Variants in ATP13A1 observed in about 807,000 individuals in gnomAD.
ATP13A1 encodes the protein endoplasmic reticulum transmembrane helix translocase.
ATP13A1 carries 55 observed loss-of-function variants against 134.8 expected under a neutral mutation model. The observed-to-expected ratio is 0.41, with a 90% CI of 0.33 to 0.51. The LOEUF (loss-of-function observed/expected upper bound fraction) is 0.51. ATP13A1 is among the 20% of genes least tolerant of loss of function. ATP13A1 has a pLI of 0.29. For synonymous variants in ATP13A1, 775 were observed against 725.1 expected, an observed-to-expected ratio of 1.07 and a Z score of -1.10; for missense variants, 1,389 against 1,652.8, an observed-to-expected ratio of 0.84 and a Z score of 2.77.
At chr19:19,662,055 T>C (rs2062098335) in intron 1 of ATP13A1, 1 of 1,570,688 alleles carries the variant, frequency 6.4e-7, no homozygotes, top group South Asian at 1.2e-5. Context: ...TTCTGAGATC[T>C]GAATCAAACC....
intron 15 of ATP13A1, 186 bp from the exon 16 acceptor site, chr19:19,652,906 A>G: frequency 2.5e-6 from 2 of 804,384 alleles, no homozygotes; most frequent in Non-Finnish European, 3.8e-6. Context: ...GAGGGGTGGG[A>G]TCTGGCAGTG....
chr19:19,661,049 A>T (rs921525375), intron 1 of ATP13A1, among the ~76,000 whole-genome samples: 15 of 152,142 alleles, frequency 9.9e-5, no homozygotes, highest in African/African-American at 3.6e-4. Context: ...ACTGCACTCC[A>T]GCCTGGGCAA....
At chr19:19,661,928 G>T in intron 1 of ATP13A1, 1 of 1,042,778 alleles carries the variant, frequency 9.6e-7, no homozygotes, top group Non-Finnish European at 1.4e-6. Flanking sequence ...GATGGCCCCA[G>T]GGCGGGCACT....
At chr19:19,662,924 A>T (rs1000946122) in intron 1 of ATP13A1, among the ~76,000 whole-genome samples, 1 of 152,202 alleles carries the variant, frequency 6.6e-6, no homozygotes, top group African/African-American at 2.4e-5. Context: ...CGTTTCCAGA[A>T]CAAGAGTAGT....
rs1193069815 is a variant in ATP13A1, at chr19:19,653,375, G to A, written c.2100+409C>T. ...CTGAGGCTAAATTCTGGAAGGATCC[G>A]CAGCTGTAGGGTGCAAGCAGAAAGA... On this transcript the variant is annotated intron_variant, in intron 15 of 25. Transcript: ENST00000357324. The surrounding 1 kb of genome is among the most constrained non-coding windows in gnomAD (Gnocchi z 4.2). The A allele has an allele frequency of 3.8e-5, 9 of 238,266 alleles. No homozygotes were observed. Among genetic ancestry groups the A allele is most frequent in the East Asian group, 1.2e-4 (1 of 8,624 alleles). The allele number at this position is 238,266 out of a possible 1,614,324, so 14.8% of individuals were successfully genotyped here. A position where few individuals can be genotyped will look rare whatever the true frequency, so the allele number is the denominator to read the frequency against.
chr19:19,656,373 C>T lies in ATP13A1; in HGVS notation c.1084-190G>A, dbSNP rs1371591040. On this transcript the variant is annotated intron_variant, in intron 7 of 25. Coordinates refer to ENST00000357324, the MANE Select transcript of ATP13A1 (RefSeq NM_020410.3). This position sits in a 1 kb window ranked among gnomAD's most constrained non-coding sequence, Gnocchi z 4.6. ...CTTCTCCCCATTGCACTCACAGTGCCTGCTCTCTGGGGCCTGCACTTGGCC... is the reference window on the plus strand; with the variant it reads ...CTTCTCCCCATTGCACTCACAGTGCTTGCTCTCTGGGGCCTGCACTTGGCC... 6.6e-6 allele frequency among the ~76,000 whole-genome samples: 1 copy of T among 152,156 alleles called. No individual in the cohort carries two copies. Among genetic ancestry groups the T allele is most frequent in the Non-Finnish European group, 1.5e-5 (1 of 68,014 alleles).
rs1407246267 is a variant in ATP13A1, at chr19:19,659,681, G to A, written c.597C>T (p.Ala199=). 3 of 1,613,808 alleles carry A rather than the reference G, an allele frequency of 1.9e-6. No individual in the cohort carries two copies. Among genetic ancestry groups the A allele is most frequent in the East Asian group, 2.2e-5 (1 of 44,872 alleles). ...FLPVAFPVGN[A]FSYYQSNRGF... ...CTCTGTTGCTCTGATAGTATGAGAA[G>A]GCGTTTCCCACAGGAAAGGCCACGG... The change falls in exon 3 of 26, where the codon GCC becomes GCT. Residue 199 remains alanine (A), a synonymous_variant. Coordinates refer to ENST00000357324, the MANE Select transcript of ATP13A1 (RefSeq NM_020410.3).
chr19:19,647,762 G>T lies in ATP13A1; in HGVS notation c.2633-3C>A, dbSNP rs369907366. Reference sequence around the variant, plus strand: ...GGCATTGGCCAAGAGCGCCACACCTGGGGGGCAGGAGGGTGTCAGACCCGG... The same window carrying T: ...GGCATTGGCCAAGAGCGCCACACCTTGGGGGCAGGAGGGTGTCAGACCCGG... On this transcript the variant is annotated splice_region_variant and splice_polypyrimidine_tract_variant and intron_variant, in intron 19 of 25. Coordinates refer to ENST00000357324, the MANE Select transcript of ATP13A1 (RefSeq NM_020410.3). This position sits in a 1 kb window ranked among gnomAD's most constrained non-coding sequence, Gnocchi z 4.8. 4.4e-4 allele frequency: 698 copies of T among 1,590,548 alleles called. No individual in the cohort carries two copies. The highest frequency in any genetic ancestry group is 6.2e-4 in the Admixed American group (36 of 57,728).
In ATP13A1 at chr19:19,653,212, G is replaced by C. The variant is rs2062035931; in HGVS notation, c.2101-492C>G. The C allele has an allele frequency of 5.5e-6, 1 of 183,332 alleles. No individual in the cohort carries two copies. Among genetic ancestry groups the C allele is most frequent in the Non-Finnish European group, 1.2e-5 (1 of 86,194 alleles). The allele number at this position is 183,332 out of a possible 1,614,324, so 11.4% of individuals were successfully genotyped here. ...AGGAGGTGAGAATGGAATCCAGAGA[G>C]GGTGGAAAGGCCTCAGAAGTGGCCA... On this transcript the variant is annotated intron_variant, in intron 15 of 25. Coordinates refer to ENST00000357324, the MANE Select transcript of ATP13A1 (RefSeq NM_020410.3). The surrounding 1 kb of genome is among the most constrained non-coding windows in gnomAD (Gnocchi z 4.2).
chr19:19,652,481 G>A, intron 16 of ATP13A1, 114 bp downstream of exon 16: 1 of 1,414,676 alleles, frequency 7.1e-7, no homozygotes, highest in Non-Finnish European at 9.4e-7. Context: ...ATCTTGCTCA[G>A]CTAAAACATG....
rs765516216 is a variant in ATP13A1, at chr19:19,655,099, G to T, written c.1655+20C>A. The T allele has an allele frequency of 4.3e-6, 7 of 1,613,024 alleles. No individual in the cohort carries two copies. Among genetic ancestry groups the T allele is most frequent in the Non-Finnish European group, 5.9e-6 (7 of 1,179,662 alleles). ...AAACCCCATCTGGGTGACCTTTGCT[G>T]CAGGGCCCCTGATGCTTACCTCAGC... On this transcript the variant is annotated intron_variant, in intron 12 of 25. Transcript: ENST00000357324. The surrounding 1 kb of genome is among the most constrained non-coding windows in gnomAD (Gnocchi z 5.7).
intron 16 of ATP13A1, 134 bp from the exon 17 acceptor site, chr19:19,651,931 G>C: frequency 1.5e-6 from 1 of 658,328 alleles, no homozygotes; most frequent in East Asian, 2.9e-5. Flanking sequence ...ATGCTGAATG[G>C]GCTTCCAAGG....
At position 19,656,463 on chromosome 19, in the gene ATP13A1, A is replaced by C. The variant is rs552661786; in HGVS notation, c.1083+197T>G. ...CTTGGTCTGACATCCCAGGGCACCA[A>C]TGTACCCTGGATGCCCTTGGCTCTC... On this transcript the variant is annotated intron_variant, in intron 7 of 25. Coordinates refer to ENST00000357324, the MANE Select transcript of ATP13A1 (RefSeq NM_020410.3). The surrounding 1 kb of genome is among the most constrained non-coding windows in gnomAD (Gnocchi z 4.6). 6.6e-6 allele frequency among the ~76,000 whole-genome samples: 1 copy of C among 151,974 alleles called. No individual in the cohort carries two copies. The highest frequency in any genetic ancestry group is 2.4e-5 in the African/African-American group (1 of 41,362).
Position 19,654,527 on chromosome 19 carries a change from G to A in ATP13A1, c.1813+16C>T. The stretch of plus-strand genomic sequence containing the variant: ...AGTGGCTCCCCCTTGCTGGGCCTGA[G>A]GCCCCAGCCCCTCACCTTTGGTCAG... On this transcript the variant is annotated intron_variant, in intron 13 of 25. Coordinates refer to ENST00000357324, the MANE Select transcript of ATP13A1 (RefSeq NM_020410.3). 6.3e-7 allele frequency: 1 copy of A among 1,589,444 alleles called. No individual in the cohort carries two copies. The highest frequency in any genetic ancestry group is 8.6e-7 in the Non-Finnish European group (1 of 1,168,992).
At position 19,652,939 on chromosome 19, in the gene ATP13A1, A is replaced by G. The variant is rs143319384; in HGVS notation, c.2101-219T>C. 2,017 of 603,808 alleles carry G rather than the reference A, an allele frequency of 3.3e-3. 12 individuals carry two copies. Among genetic ancestry groups the G allele is most frequent in the Non-Finnish European group, 4.6e-3 (1,631 of 354,194 alleles). The allele number at this position is 603,808 out of a possible 1,614,324, so 37.4% of individuals were successfully genotyped here. ...GTGACTGGGGGGTCTGGGTCCCCCG[A>G]ATGTGGCTCTATGTCCTGCTTGCGG... On this transcript the variant is annotated intron_variant, in intron 15 of 25. Coordinates refer to ENST00000357324, the MANE Select transcript of ATP13A1 (RefSeq NM_020410.3).
At chr19:19,662,457 T>G in intron 1 of ATP13A1, 1 of 786,840 alleles carries the variant, frequency 1.3e-6, no homozygotes, top group East Asian at 1.3e-4. Context: ...GGAAGCTTCC[T>G]GATATACCTC....
intron 17 of ATP13A1, chr19:19,651,129 A>G (rs2062021362): frequency 6.6e-6 from 1 of 152,126 alleles, no homozygotes; most frequent in Non-Finnish European, 1.5e-5. Context: ...GGGCCCCGAG[A>G]GCTGACCCAG....
rs1447618562 is a variant in ATP13A1, at chr19:19,659,625, G to A, written c.653C>T (p.Ala218Val). 1 of 1,612,478 alleles carries A rather than the reference G, an allele frequency of 6.2e-7. No homozygotes were observed. ...CTTGTTGCTCCCAAATTTCTTCTCA[G>A]CTGCTCGGATCTCTGAGTCTTCCTG... ...GFQEDSEIRA[A>V]EKKFGSNKAE... is the part of the protein sequence containing the mutation. The change falls in exon 3 of 26, where the codon GCT becomes GTT. Residue 218 changes from alanine (A) to valine (V), a missense_variant. By Grantham distance (64) the Ala-to-Val change is moderately conservative. Around this residue, in one of 4 missense-constraint regions of ATP13A1, gnomAD observed 747 missense variants for 956.1 expected, o/e 0.78. Coordinates refer to ENST00000357324, the MANE Select transcript of ATP13A1 (RefSeq NM_020410.3).
At chr19:19,661,744 G>A (rs1027704110) in intron 1 of ATP13A1, among the ~76,000 whole-genome samples, 6 of 152,148 alleles carry the variant, frequency 3.9e-5, no homozygotes, top group African/African-American at 1.2e-4. Flanking sequence ...CTGCTAGACC[G>A]AGCTGCATGG....
Sources: allele counts gnomAD v4.1 joint callset (sites outside exome capture counted in the v4.1 genomes callset), GRCh38; gene constraint gnomAD v4.1.1; regional missense constraint gnomAD v4.1.1; non-coding constraint Gnocchi (gnomAD v3.1); transcripts MANE v1.5; gene names NCBI Gene and HGNC (gene_info 2026-07-23, HGNC 2026-07-21).